SPATA6L: variants seen among roughly 807,000 people sequenced by gnomAD.
SPATA6L encodes the protein spermatogenesis associated 6-like protein.
A neutral mutation model predicts 49.2 loss-of-function variants in SPATA6L; 68 were observed. The ratio of observed to expected loss-of-function variants is 1.38; its 90% CI spans 1.14 to 1.69. SPATA6L has a LOEUF of 1.69. SPATA6L is among the 40% of genes most tolerant of loss of function. SPATA6L has a pLI of 0.00. For synonymous variants in SPATA6L, 198 were observed against 165.7 expected, an observed-to-expected ratio of 1.19 and a Z score of -1.50; for missense variants, 668 against 464.3, an observed-to-expected ratio of 1.44 and a Z score of -4.03.
rs1311805859 is a variant in SPATA6L, at chr9:4,629,769, G to GTGTATATATATATATATA, written c.352-602_352-601insTATATATATATATATACA. On this transcript the variant is annotated intron_variant, in intron 4 of 11. Coordinates refer to ENST00000682582, the MANE Select transcript of SPATA6L (RefSeq NM_001353486.2). The stretch of plus-strand genomic sequence containing the variant: ...GTGTTTTATATATGTGTGTGTGTGT[G>GTGTATATATATATATATA]TATATATATATATATATATATATAT... 3.9e-3 allele frequency among the ~76,000 whole-genome samples: 397 copies of GTGTATATATATATATATA among 101,808 alleles called. 9 individuals are homozygous for GTGTATATATATATATATA. Among genetic ancestry groups the GTGTATATATATATATATA allele is most frequent in the African/African-American group, 0.016 (318 of 20,062 alleles). 66.8% of individuals were successfully genotyped at this position (101,808 alleles called of 152,430 possible).
chr9:4,663,355 T>G (rs1241073132), intron 1 of SPATA6L: 10 of 1,357,012 alleles, frequency 7.4e-6, no homozygotes, highest in Admixed American at 2.0e-5. Flanking sequence ...CTTGTCCCTC[T>G]TAGGCATTTC....
At chr9:4,649,040 T>TAC (rs1360623017) in intron 3 of SPATA6L, among the ~76,000 whole-genome samples, 3 of 143,486 alleles carry the variant, frequency 2.1e-5, no homozygotes, top group East Asian at 4.1e-4. Flanking sequence ...TATTCCATCA[T>TAC]ATATAATGGA....
rs117619054 is a variant in SPATA6L, at chr9:4,625,932, A to G, written c.430-366T>C. 35 of 162,576 alleles carry G rather than the reference A, an allele frequency of 2.2e-4. 2 individuals are homozygous for G. The East Asian group carries it at 6.1e-3, about 28-fold the overall frequency. The allele number at this position is 162,576 out of a possible 1,614,324, so 10.1% of individuals were successfully genotyped here. A position where few individuals can be genotyped will look rare whatever the true frequency, so the allele number is the denominator to read the frequency against. On this transcript the variant is annotated intron_variant, in intron 5 of 11. Coordinates refer to ENST00000682582, the MANE Select transcript of SPATA6L (RefSeq NM_001353486.2). The stretch of plus-strand genomic sequence containing the variant: ...GTATTATAAGGAAATAACTATGGCT[A>G]TATGTATAGCTACAAAAATGCTTAT...
chr9:4,608,830 C>A (rs1825959029), intron 9 of SPATA6L, among the ~76,000 whole-genome samples: 1 of 151,898 alleles, frequency 6.6e-6, no homozygotes, highest in Non-Finnish European at 1.5e-5. Context: ...ACACAAAAAA[C>A]CCTTCAAAAA....
Position 4,618,844 on chromosome 9 carries a change from A to C in SPATA6L, c.807+20T>G, listed in dbSNP as rs1564175182. ...ATATCTGGAAGTAAATCATTTTACA[A>C]ATTCTACTTCTAAAATTACCTTTAC... On this transcript the variant is annotated intron_variant, in intron 8 of 11. Coordinates refer to ENST00000682582, the MANE Select transcript of SPATA6L (RefSeq NM_001353486.2). 1 of 1,606,790 alleles carries C rather than the reference A, an allele frequency of 6.2e-7. No individual in the cohort carries two copies. The highest frequency in any genetic ancestry group is 8.5e-7 in the Non-Finnish European group (1 of 1,174,848).
chr9:4,660,093 G>C (rs1839254214), intron 2 of SPATA6L, among the ~76,000 whole-genome samples: 1 of 152,164 alleles, frequency 6.6e-6, no homozygotes, highest in Non-Finnish European at 1.5e-5. Flanking sequence ...GAAAACCTAA[G>C]CAATACCATT....
chr9:4,637,328 A>G (rs755692300), intron 3 of SPATA6L, among the ~76,000 whole-genome samples: 6 of 152,164 alleles, frequency 3.9e-5, no homozygotes, highest in Non-Finnish European at 7.4e-5. Flanking sequence ...TCATCTTATC[A>G]GAAGGTGGCA....
chr9:4,658,653 G>A (rs1413475603), intron 2 of SPATA6L, among the ~76,000 whole-genome samples: 2 of 152,104 alleles, frequency 1.3e-5, no homozygotes, highest in African/African-American at 2.4e-5. Flanking sequence ...CTAGTTGTGT[G>A]CTTCTACAGT....
chr9:4,597,705 AG>A (rs1822398532), downstream of SPATA6L, among the ~76,000 whole-genome samples: 1 of 152,228 alleles, frequency 6.6e-6, no homozygotes, highest in Non-Finnish European at 1.5e-5. Flanking sequence ...CACTGTTGGC[AG>A]GGTTCCCAGC....
intron 2 of SPATA6L, among the ~76,000 whole-genome samples, chr9:4,658,302 T>G (rs898854519): frequency 6.6e-6 from 1 of 152,264 alleles, no homozygotes; most frequent in Non-Finnish European, 1.5e-5. Context: ...TATATTCTTA[T>G]GAGTAACTTG....
At chr9:4,643,666 TA>T (rs548846680) in intron 3 of SPATA6L, among the ~76,000 whole-genome samples, 4 of 152,192 alleles carry the variant, frequency 2.6e-5, no homozygotes, top group Non-Finnish European at 5.9e-5. Context: ...TATAGACCTA[TA>T]AAAAACACAT....
chr9:4,655,198 A>T (rs1464513558), intron 3 of SPATA6L, among the ~76,000 whole-genome samples: 6 of 152,250 alleles, frequency 3.9e-5, no homozygotes, highest in Admixed American at 3.9e-4. Flanking sequence ...CATCCAACAG[A>T]ATACTATTTG....
intron 9 of SPATA6L, among the ~76,000 whole-genome samples, chr9:4,611,883 A>C (rs138150436): frequency 5.5e-4 from 84 of 152,236 alleles, no homozygotes; most frequent in African/African-American, 2.0e-3. Flanking sequence ...AGAGATTATC[A>C]CCCAGGCTAA....
intron 5 of SPATA6L, chr9:4,625,881 G>T (rs1247344904): frequency 5.4e-6 from 1 of 184,990 alleles, no homozygotes; most frequent in Non-Finnish European, 1.1e-5. Flanking sequence ...CACATAGAGG[G>T]GTCTAGCAAT....
intron 3 of SPATA6L, among the ~76,000 whole-genome samples, chr9:4,647,028 T>C (rs1466273055): frequency 6.6e-6 from 1 of 151,748 alleles, no homozygotes; most frequent in African/African-American, 2.4e-5. Context: ...CGGGTTCACC[T>C]ATATAACAAA....
intron 2 of SPATA6L, among the ~76,000 whole-genome samples, chr9:4,657,671 C>T (rs1838609385): frequency 2.6e-5 from 4 of 152,154 alleles, no homozygotes; most frequent in Non-Finnish European, 5.9e-5. Context: ...GCATTATGGG[C>T]AGCAGGCTTT....
chr9:4,619,113 T>C (rs1357057548), intron 7 of SPATA6L, among the ~76,000 whole-genome samples: 13 of 151,940 alleles, frequency 8.6e-5, no homozygotes, highest in South Asian at 4.2e-4. Flanking sequence ...CTTTGTTTTG[T>C]TTTTTGTTTT....
In SPATA6L at chr9:4,662,362, G is replaced by C. The variant is rs1413000165; in HGVS notation, c.40-326C>G. The C allele has an allele frequency of 2.0e-6, 3 of 1,494,084 alleles. No homozygotes were observed. Among genetic ancestry groups the C allele is most frequent in the South Asian group, 1.3e-5 (1 of 77,014 alleles). The allele number at this position is 1,494,084 out of a possible 1,614,324, so 92.6% of individuals were successfully genotyped here. A position where few individuals can be genotyped will look rare whatever the true frequency, so the allele number is the denominator to read the frequency against. On this transcript the variant is annotated intron_variant, in intron 1 of 11. Coordinates refer to ENST00000682582, the MANE Select transcript of SPATA6L (RefSeq NM_001353486.2). This position sits in a 1 kb window ranked among gnomAD's most constrained non-coding sequence, Gnocchi z 4.9. ...TGGTCCGGCCAGGTCCCGGGATCCGGGCCGCCAGCTGCGATGCCAAGTCCC... is the reference window on the plus strand; with the variant it reads ...TGGTCCGGCCAGGTCCCGGGATCCGCGCCGCCAGCTGCGATGCCAAGTCCC...
At chr9:4,643,390 A>G (rs1171511455) in intron 3 of SPATA6L, among the ~76,000 whole-genome samples, 1 of 152,202 alleles carries the variant, frequency 6.6e-6, no homozygotes, top group African/African-American at 2.4e-5. Flanking sequence ...GATGCAGTAG[A>G]AGTATTGGAA....
Sources: allele counts gnomAD v4.1 joint callset (sites outside exome capture counted in the v4.1 genomes callset), GRCh38; gene constraint gnomAD v4.1.1; non-coding constraint Gnocchi (gnomAD v3.1); transcripts MANE v1.5; gene names NCBI Gene and HGNC (gene_info 2026-07-23, HGNC 2026-07-21).